The following GLB1L2 variants were observed in gnomAD, a reference collection of about 807,000 sequenced individuals.
GLB1L2 encodes the protein galactosidase beta 1 like 2.
A neutral mutation model predicts 84.1 loss-of-function variants in GLB1L2; 68 were observed. That is an observed-to-expected ratio of 0.81 (90% CI 0.67 to 0.99). GLB1L2 has a LOEUF of 0.99. GLB1L2 is among the 50% of genes least tolerant of loss of function. The pLI is 0.00. For synonymous variants in GLB1L2, 290 were observed against 318.0 expected, an observed-to-expected ratio of 0.91 and a Z score of 0.94; for missense variants, 762 against 805.6, an observed-to-expected ratio of 0.95 and a Z score of 0.66.
chr11:134,370,938 C>T lies in GLB1L2; in HGVS notation c.1216-70C>T. 3 of 1,577,474 alleles carry T rather than the reference C, an allele frequency of 1.9e-6. No individual in the cohort carries two copies. The highest frequency in any genetic ancestry group is 1.7e-6 in the Non-Finnish European group (2 of 1,157,800). ...TCCGCTTCCACCCCATGTGCCAGCC[C>T]CCAGGCAGAGTCTGTCTGTGACCCC... On this transcript the variant is annotated intron_variant, in intron 12 of 18. Coordinates refer to ENST00000535456, the MANE Select transcript of GLB1L2 (RefSeq NM_001370461.1). This position sits in a 1 kb window ranked among gnomAD's most constrained non-coding sequence, Gnocchi z 4.7.
intron 8 of GLB1L2, chr11:134,367,001 C>G: frequency 3.8e-6 from 2 of 525,276 alleles, no homozygotes; most frequent in South Asian, 2.1e-5. Flanking sequence ...AACATTAAAA[C>G]CATCAGGGTT....
At position 134,347,360 on chromosome 11, in the gene GLB1L2, C is replaced by T. The variant is rs1261840933; in HGVS notation, c.485C>T (p.Thr162Ile). The T allele has an allele frequency of 6.2e-7, 1 of 1,614,038 alleles. No homozygotes were observed. Among genetic ancestry groups the T allele is most frequent in the Non-Finnish European group, 8.5e-7 (1 of 1,180,002 alleles). The change falls in exon 5 of 19, where the codon ACA (threonine) becomes ATA (isoleucine). Residue 162 changes from threonine to isoleucine, a missense_variant. Physicochemically the swap from Thr to Ile is moderately conservative, Grantham distance 89. Around this residue, in one of 3 missense-constraint regions of GLB1L2, gnomAD observed 603 missense variants for 611.7 expected, o/e 0.99. Transcript: ENST00000535456. ...LLQDPGMRLR[T>I]TYKGFTEAVD... is the part of the protein sequence containing the mutation. ...CAAGACCCTGGCATGAGGCTGAGGACAACTTACAAGGGCTTCACCGAAGCA... is the reference window on the plus strand; with the variant it reads ...CAAGACCCTGGCATGAGGCTGAGGATAACTTACAAGGGCTTCACCGAAGCA...
chr11:134,335,368 C>T (rs894508727), intron 1 of GLB1L2, among the ~76,000 whole-genome samples: 1 of 152,010 alleles, frequency 6.6e-6, no homozygotes, highest in East Asian at 1.9e-4. Flanking sequence ...TGCTTGAGGC[C>T]TGAGTCATAT....
intron 7 of GLB1L2, 35 bp downstream of exon 7, chr11:134,359,176 G>A (rs986588597): frequency 3.4e-6 from 5 of 1,470,704 alleles, no homozygotes; most frequent in South Asian, 1.3e-5. Flanking sequence ...GGGGGCTGGC[G>A]GCGGCCCTGG....
rs374976209 is a variant in GLB1L2, at chr11:134,373,674, C to T, written c.1508-47C>T. 57 of 1,308,490 alleles carry T rather than the reference C, an allele frequency of 4.4e-5. No individual in the cohort carries two copies. In the Middle Eastern group the frequency reaches 7.8e-4, roughly 18 times the overall value. The allele number at this position is 1,308,490 out of a possible 1,614,324, so 81.1% of individuals were successfully genotyped here. On this transcript the variant is annotated intron_variant, in intron 15 of 18. Transcript: ENST00000535456. ...CCTCGTGGCCCCGGCCCAGCTGACT[C>T]GGCCCCTGCCTTTGGGCTACCCACG...
At position 134,347,118 on chromosome 11, in the gene GLB1L2, G is replaced by C. The variant is rs562753886; in HGVS notation, c.450-207G>C. 2.2e-5 allele frequency: 12 copies of C among 545,148 alleles called. No individual in the cohort carries two copies. In the East Asian group the frequency reaches 3.1e-4, roughly 14 times the overall value. The allele number at this position is 545,148 out of a possible 1,614,324, so 33.8% of individuals were successfully genotyped here. ...TGAACTTCCACCAGGCTGTGTCCTT[G>C]GGGAGGGAAGCTGCAGGAGTGCGGG... is the stretch of plus-strand genomic sequence containing the variant. On this transcript the variant is annotated intron_variant, in intron 4 of 18. Coordinates refer to ENST00000535456, the MANE Select transcript of GLB1L2 (RefSeq NM_001370461.1).
intron 1 of GLB1L2, among the ~76,000 whole-genome samples, chr11:134,336,711 T>C (rs1943392953): frequency 6.6e-6 from 1 of 152,170 alleles, no homozygotes; most frequent in Non-Finnish European, 1.5e-5. Context: ...TAAGAGCCAG[T>C]GCATCTCTTG....
chr11:134,359,226 G>T (rs1405006631), intron 7 of GLB1L2, 85 bp downstream of exon 7: 4 of 896,822 alleles, frequency 4.5e-6, no homozygotes, highest in Non-Finnish European at 5.1e-6. Context: ...TGCGACCCAA[G>T]TAGGAGTTTC....
intron 17 of GLB1L2, 25 bp from the exon 18 acceptor site, chr11:134,374,577 G>C: frequency 6.4e-7 from 1 of 1,570,810 alleles, no homozygotes; most frequent in Non-Finnish European, 8.8e-7. Flanking sequence ...CGTGGTAGAT[G>C]AACACCCTTC....
chr11:134,340,787 A>G (rs1253629243), intron 1 of GLB1L2, among the ~76,000 whole-genome samples: 1 of 152,244 alleles, frequency 6.6e-6, no homozygotes, highest in Non-Finnish European at 1.5e-5. Context: ...TGCCAATACA[A>G]TGATTTATGA....
intron 8 of GLB1L2, 59 bp from the exon 9 acceptor site, chr11:134,367,198 G>A (rs1943876977): frequency 1.4e-6 from 2 of 1,393,172 alleles, no homozygotes; most frequent in East Asian, 2.3e-5. Flanking sequence ...TCCATGAAGA[G>A]CTTCCCTCTT....
intron 5 of GLB1L2, among the ~76,000 whole-genome samples, chr11:134,351,344 T>C (rs1376883029): frequency 7.5e-6 from 1 of 132,924 alleles, no homozygotes; most frequent in Non-Finnish European, 1.6e-5. Flanking sequence ...TCTTTTTCTT[T>C]CTTTTTTTTT....
At position 134,374,685 on chromosome 11, in the gene GLB1L2, C is replaced by T; in HGVS notation, c.1791C>T (p.Leu597=). 1 of 1,613,950 alleles carries T rather than the reference C, an allele frequency of 6.2e-7. No homozygotes were observed. Among genetic ancestry groups the T allele is most frequent in the South Asian group, 1.1e-5 (1 of 91,070 alleles). The change falls in exon 18 of 19, where the codon CTC becomes CTT. Residue 597 remains leucine, a synonymous_variant. Transcript: ENST00000535456. ...WNIGPQKTLY[L]PGPWLSSGIN... is the part of the protein sequence containing the mutation. ...TTGGACCCCAGAAGACGCTTTACCT[C>T]CCAGGTCCCTGGTTGAGCAGCGGAA...
At chr11:134,374,946 CT>C in intron 18 of GLB1L2, 25 bp from the exon 19 acceptor site, 1 of 1,605,116 alleles carries the variant, frequency 6.2e-7, no homozygotes, top group Non-Finnish European at 8.5e-7. Flanking sequence ...GTCAGCTGCC[CT>C]CCCAGCCGGG....
chr11:134,364,452 A>C, intron 8 of GLB1L2, 54 bp downstream of exon 8: 1 of 1,386,050 alleles, frequency 7.2e-7, no homozygotes, highest in Non-Finnish European at 1.0e-6. Context: ...GCCTATGGGA[A>C]TTCTGAATGC....
chr11:134,358,102 C>A (rs1312184717), intron 6 of GLB1L2, among the ~76,000 whole-genome samples: 1 of 152,202 alleles, frequency 6.6e-6, no homozygotes, highest in Non-Finnish European at 1.5e-5. Context: ...TGGACACGAG[C>A]CTTATTCGCC....
chr11:134,337,652 C>T (rs1045868807), intron 1 of GLB1L2, among the ~76,000 whole-genome samples: 5 of 152,174 alleles, frequency 3.3e-5, no homozygotes, highest in African/African-American at 1.2e-4. Context: ...AGCCTAGAAC[C>T]GAACCAGAAT....
chr11:134,332,825 A>T (rs1943323366), intron 1 of GLB1L2, among the ~76,000 whole-genome samples: 1 of 152,214 alleles, frequency 6.6e-6, no homozygotes, highest in East Asian at 1.9e-4. Context: ...ATTTACCCAC[A>T]GCCTGTGAAA....
intron 10 of GLB1L2, 64 bp downstream of exon 10, chr11:134,368,845 T>C: frequency 3.2e-6 from 5 of 1,572,826 alleles, no homozygotes; most frequent in Non-Finnish European, 4.3e-6. Flanking sequence ...GGACTTGCTA[T>C]GGAGAGGCCC....
Sources: allele counts gnomAD v4.1 joint callset (sites outside exome capture counted in the v4.1 genomes callset), GRCh38; gene constraint gnomAD v4.1.1; regional missense constraint gnomAD v4.1.1; non-coding constraint Gnocchi (gnomAD v3.1); transcripts MANE v1.5; gene names NCBI Gene and HGNC (gene_info 2026-07-23, HGNC 2026-07-21).